Variants in KCNG4 observed in about 807,000 individuals in gnomAD.
KCNG4 encodes potassium voltage-gated channel modifier subfamily G member 4.
A neutral mutation model predicts 28.2 loss-of-function variants in KCNG4; 30 were observed. That is an observed-to-expected ratio of 1.06 (90% CI 0.80 to 1.44). The LOEUF is 1.44. KCNG4 is among the 40% of genes most tolerant of loss of function. The pLI is 0.00. For missense variants in KCNG4, 879 were observed against 712.3 expected (o/e 1.23, Z -2.66); for synonymous variants, 375 against 315.5 (o/e 1.19, Z -2.00).
chr16:84,237,146 C>A lies in KCNG4; in HGVS notation c.340G>T (p.Asp114Tyr), dbSNP rs1567627766. The change falls in exon 2 of 3, where the codon GAC becomes TAC. Residue 114 changes from aspartate (D) to tyrosine (Y), a missense_variant. Physicochemically the swap from Asp to Tyr is radical, Grantham distance 160. Transcript: ENST00000308251. ...ACCCCGAAGGCGCTGGGGCTCCTGT[C>A]GAAGAAGAACTCCTGGCTGTCCTCG... ...YDEDSQEFFF[D>Y]RSPSAFGVIV... 3.1e-6 allele frequency: 5 copies of A among 1,614,154 alleles called. No homozygotes were observed. The highest frequency in any genetic ancestry group is 4.2e-6 in the Non-Finnish European group (5 of 1,180,038).
chr16:84,222,601 G>A lies in KCNG4; in HGVS notation c.1176C>T (p.Ala392=), dbSNP rs769630478. The change falls in exon 3 of 3, where the codon GCC becomes GCT. Residue 392 remains alanine (A), a synonymous_variant. Transcript: ENST00000308251. ...ITLFSPLVYV[A]EKESGRVLEF... The stretch of plus-strand genomic sequence containing the variant: ...CCAGCACCCGCCCGGACTCCTTCTC[G>A]GCCACGTAGACCAAAGGGGAGAAGA... 2.0e-5 allele frequency: 33 copies of A among 1,613,168 alleles called. No individual in the cohort carries two copies. The highest frequency in any genetic ancestry group is 2.0e-4 in the East Asian group (9 of 44,878).
In KCNG4 at chr16:84,220,356, A is replaced by G; in HGVS notation, c.*1861T>C. The G allele has an allele frequency of 6.6e-6, 1 of 152,388 alleles. No homozygotes were observed. Among genetic ancestry groups the G allele is most frequent in the Non-Finnish European group, 1.5e-5 (1 of 68,080 alleles). 9.4% of individuals were successfully genotyped at this position (152,388 alleles called of 1,614,324 possible). On this transcript the variant is annotated 3_prime_UTR_variant, in exon 3 of 3. Transcript: ENST00000308251. ...CCTGTATAGTTGGGGGGACACCTGG[A>G]GGACTCCAAGGAAAGGCAGGCTCGC...
In KCNG4 at chr16:84,239,201, C is replaced by A. The variant is rs528064790; in HGVS notation, c.-41+469G>T. ...GTGGATAGTGGAGAGTGAATCGTAA[C>A]CTATTTCACACTCTTGCTCCCTACA... On this transcript the variant is annotated intron_variant, in intron 1 of 2. Transcript: ENST00000308251. 6.0e-4 allele frequency among the ~76,000 whole-genome samples: 91 copies of A among 151,992 alleles called. No individual in the cohort carries two copies. The Middle Eastern group carries it at 0.01, about 17-fold the overall frequency.
chr16:84,227,129 G>T (rs1904716169), intron 2 of KCNG4, among the ~76,000 whole-genome samples: 1 of 152,178 alleles, frequency 6.6e-6, no homozygotes, highest in Non-Finnish European at 1.5e-5. Flanking sequence ...GGAGAAACTG[G>T]AACCCATCAC....
In KCNG4 at chr16:84,236,883, G is replaced by C. The variant is rs374533007; in HGVS notation, c.603C>G (p.Gly201=). 4 of 1,613,368 alleles carry C rather than the reference G, an allele frequency of 2.5e-6. No individual in the cohort carries two copies. The highest frequency in any genetic ancestry group is 1.1e-5 in the South Asian group (1 of 91,080). The stretch of plus-strand genomic sequence containing the variant: ...TCTCGCGCAGCCGGTTCATGCACAG[G>C]CCCCAGCGCGAGGAGTGCGAGGCGG... ...RRPASHSSRW[G]LCMNRLREMV... is the part of the protein sequence containing the mutation. Residue 201 remains glycine, a synonymous_variant, in exon 2 of 3, where the codon GGC becomes GGG. Coordinates refer to ENST00000308251, the MANE Select transcript of KCNG4 (RefSeq NM_172347.3).
At chr16:84,229,931 C>A (rs957780993) in intron 2 of KCNG4, among the ~76,000 whole-genome samples, 3 of 152,164 alleles carry the variant, frequency 2.0e-5, no homozygotes, top group African/African-American at 7.2e-5. Flanking sequence ...AGAGAGCAGG[C>A]CAGTTTTTTA....
In KCNG4 at chr16:84,222,830, G is replaced by A; in HGVS notation, c.947C>T (p.Pro316Leu). The A allele has an allele frequency of 1.9e-6, 3 of 1,610,536 alleles. No homozygotes were observed. Among genetic ancestry groups the A allele is most frequent in the Middle Eastern group, 1.7e-4 (1 of 6,048 alleles). The change falls in exon 3 of 3, where the codon CCC becomes CTC. Residue 316 changes from proline (P) to leucine (L), a missense_variant. Coordinates refer to ENST00000308251, the MANE Select transcript of KCNG4 (RefSeq NM_172347.3). ...GCTCGGCCTCTCGCCGTCCTCCGGGGGCTCCTCAGACACCGCCAGCGACAC... is the reference window on the plus strand; with the variant it reads ...GCTCGGCCTCTCGCCGTCCTCCGGGAGCTCCTCAGACACCGCCAGCGACAC... ...YYVSLAVSEE[P>L]PEDGERPSGS...
At chr16:84,223,971 G>C (rs1431717342) in intron 2 of KCNG4, among the ~76,000 whole-genome samples, 1 of 152,140 alleles carries the variant, frequency 6.6e-6, no homozygotes, top group African/African-American at 2.4e-5. Flanking sequence ...AGCAGTTCCA[G>C]CTGGGCGGGG....
rs1428713902 is a variant in KCNG4 at position 84,237,164 on chromosome 16, T to TGTCCTCG, written c.315_321dup (p.Ser108ArgfsTer209). ...CTCCTGTCGAAGAAGAACTCCTGGC[T>TGTCCTCG]GTCCTCGTCGTAATCATCGCAGAGC... On this transcript the variant is annotated frameshift_variant, in exon 2 of 3. Transcript: ENST00000308251. LOFTEE classifies it high-confidence loss of function. 6.2e-7 allele frequency: 1 copy of TGTCCTCG among 1,614,040 alleles called. No homozygotes were observed. The highest frequency in any genetic ancestry group is 1.3e-5 in the African/African-American group (1 of 74,930).
chr16:84,238,398 G>A (rs900204348), intron 1 of KCNG4, among the ~76,000 whole-genome samples: 1 of 152,200 alleles, frequency 6.6e-6, no homozygotes, highest in Non-Finnish European at 1.5e-5. Flanking sequence ...CACCAGTCTC[G>A]CTTAATCCCT....
chr16:84,239,602 G>C (rs532160582), intron 1 of KCNG4, 68 bp downstream of exon 1: 6 of 152,276 alleles, frequency 3.9e-5, no homozygotes, highest in African/African-American at 1.4e-4. Flanking sequence ...GTCTAACAGC[G>C]TCAACTTCCC....
At chr16:84,224,116 T>C (rs113487962) in intron 2 of KCNG4, among the ~76,000 whole-genome samples, 24 of 152,236 alleles carry the variant, frequency 1.6e-4, no homozygotes, top group African/African-American at 5.3e-4. Flanking sequence ...AAACACAGCA[T>C]CTCAGGCCCC....
intron 2 of KCNG4, among the ~76,000 whole-genome samples, chr16:84,224,201 C>T (rs1446934359): frequency 6.6e-6 from 1 of 152,116 alleles, no homozygotes; most frequent in Non-Finnish European, 1.5e-5. Flanking sequence ...GTTTGACAGG[C>T]ACTGTTCTAG....
chr16:84,222,719 T>C lies in KCNG4; in HGVS notation c.1058A>G (p.His353Arg), dbSNP rs1488955618. The change falls in exon 3 of 3, where the codon CAC (histidine) becomes CGC (arginine). Residue 353 changes from histidine to arginine, a missense_variant. Transcript: ENST00000308251. ...RILYVMRLAR[H>R]SLGLQTLGLT... The stretch of plus-strand genomic sequence containing the variant: ...CCCCAGCGTCTGCAGCCCCAGCGAG[T>C]GGCGAGCCAGGCGCATCACGTAGAG... The C allele has an allele frequency of 6.2e-7, 1 of 1,613,000 alleles. No individual in the cohort carries two copies. The highest frequency in any genetic ancestry group is 8.5e-7 in the Non-Finnish European group (1 of 1,179,664).
At position 84,218,867 on chromosome 16, in the gene KCNG4, G is replaced by C. The variant is rs1597612886; in HGVS notation, c.*3350C>G. The C allele has an allele frequency of 6.6e-6, 1 of 152,228 alleles. No homozygotes were observed. Among genetic ancestry groups the C allele is most frequent in the South Asian group, 2.1e-4 (1 of 4,826 alleles). 9.4% of individuals were successfully genotyped at this position (152,228 alleles called of 1,614,324 possible). A position where few individuals can be genotyped will look rare whatever the true frequency, so the allele number is the denominator to read the frequency against. ...CTGGCACACTTTGGTGAAGAGGTCTGGTAGGTGAAGCAGAGGAGAAGGGAT... is the reference window on the plus strand; with the variant it reads ...CTGGCACACTTTGGTGAAGAGGTCTCGTAGGTGAAGCAGAGGAGAAGGGAT... On this transcript the variant is annotated 3_prime_UTR_variant, in exon 3 of 3. Coordinates refer to ENST00000308251, the MANE Select transcript of KCNG4 (RefSeq NM_172347.3).
chr16:84,228,386 AT>A (rs1194912129), intron 2 of KCNG4, among the ~76,000 whole-genome samples: 2 of 146,006 alleles, frequency 1.4e-5, no homozygotes, highest in East Asian at 4.5e-4. Context: ...TGAGTTCACC[AT>A]TTGTGCCTTT....
intron 2 of KCNG4, among the ~76,000 whole-genome samples, chr16:84,230,340 C>G (rs78885610): frequency 1.5e-5 from 2 of 132,316 alleles, no homozygotes; most frequent in African/African-American, 2.9e-5. Flanking sequence ...AGGAGGCAGA[C>G]GTTGCAGTAA....
chr16:84,236,457 C>A (rs1008425517), intron 2 of KCNG4: 3 of 502,110 alleles, frequency 6.0e-6, no homozygotes, highest in Admixed American at 3.7e-5. Flanking sequence ...GTCTGTGTGG[C>A]CCACTGAGTC....
In KCNG4 at chr16:84,222,206, G is replaced by A. The variant is rs758544083; in HGVS notation, c.*11C>T. ...GGTTGAGGTTACCATGTAGTCATGGGGGGTGCTGAGTTACATGTGCATGAT... is the reference window on the plus strand; with the variant it reads ...GGTTGAGGTTACCATGTAGTCATGGAGGGTGCTGAGTTACATGTGCATGAT... On this transcript the variant is annotated 3_prime_UTR_variant, in exon 3 of 3. Transcript: ENST00000308251. 1.2e-5 allele frequency: 20 copies of A among 1,613,166 alleles called. No individual in the cohort carries two copies. In the South Asian group the frequency reaches 1.5e-4, roughly 12 times the overall value.
Sources: gnomAD v4.1 joint callset for allele counts (sites outside exome capture counted in the v4.1 genomes callset) on GRCh38, gnomAD v4.1.1 for gene constraint, MANE v1.5 for transcripts, NCBI Gene and HGNC (gene_info 2026-07-23, HGNC 2026-07-21) for gene names.